The following ESR1 variants were observed in gnomAD, a reference collection of about 807,000 sequenced individuals.
ESR1 encodes the protein estrogen receptor.
ESR1 carries 12 observed loss-of-function variants against 52.7 expected under a neutral mutation model. The observed-to-expected ratio is 0.23, with a 90% CI of 0.15 to 0.37. The LOEUF (loss-of-function observed/expected upper bound fraction) is 0.37, where lower values mean the gene tolerates loss of function less well. Ranked by LOEUF, ESR1 falls within the 10% of genes least tolerant of loss-of-function variation. The pLI, the probability that ESR1 is intolerant of heterozygous loss-of-function variation, is 1.00. For missense variants in ESR1, 584 were observed against 779.7 expected, an observed-to-expected ratio of 0.75 and a Z score of 2.99; for synonymous variants, 305 against 316.8, an observed-to-expected ratio of 0.96 and a Z score of 0.39.
intron 4 of ESR1, 124 bp from the exon 5 acceptor site, chr6:152,011,532 C>T (rs957986549): frequency 1.3e-5 from 14 of 1,042,978 alleles, no homozygotes; most frequent in African/African-American, 3.1e-5. Flanking sequence ...AAAGTATGTT[C>T]GTATTGCATT....
chr6:151,674,433 G>T (rs1778184155), intron 1 of ESR1, among the ~76,000 whole-genome samples: 1 of 152,150 alleles, frequency 6.6e-6, no homozygotes, highest in African/African-American at 2.4e-5. Context: ...GTCTATCATT[G>T]ATGGGCATTT....
intron 6 of ESR1, among the ~76,000 whole-genome samples, chr6:152,079,821 C>T (rs2049044082): frequency 6.6e-6 from 1 of 152,192 alleles, no homozygotes; most frequent in Non-Finnish European, 1.5e-5. Flanking sequence ...CTGAAAACCA[C>T]AGCATGAGAA....
At chr6:151,925,099 T>C (rs1304613573) in intron 3 of ESR1, among the ~76,000 whole-genome samples, 1 of 144,972 alleles carries the variant, frequency 6.9e-6, no homozygotes, top group Non-Finnish European at 1.5e-5. Context: ...TCTTCCCTTT[T>C]CTCCATAACC....
chr6:152,094,262 C>A lies in ESR1; in HGVS notation c.1370-123C>A. On this transcript the variant is annotated intron_variant, in intron 6 of 7. Coordinates refer to ENST00000206249, the MANE Select transcript of ESR1 (RefSeq NM_000125.4). The surrounding 1 kb of genome is among the most constrained non-coding windows in gnomAD (Gnocchi z 4.6). Reference sequence around the variant, plus strand: ...GTTTTAAATGGGTCCAGAGCATCCCCATTGCTAGACTACTGTGCTGAGGAA... The same window carrying A: ...GTTTTAAATGGGTCCAGAGCATCCCAATTGCTAGACTACTGTGCTGAGGAA... 1 of 851,818 alleles carries A rather than the reference C, an allele frequency of 1.2e-6. No homozygotes were observed. 52.8% of individuals were successfully genotyped at this position (851,818 alleles called of 1,614,324 possible). A position where few individuals can be genotyped will look rare whatever the true frequency, so the allele number is the denominator to read the frequency against.
At chr6:151,733,790 T>C (rs1251661586) in intron 2 of ESR1, among the ~76,000 whole-genome samples, 1 of 152,184 alleles carries the variant, frequency 6.6e-6, no homozygotes, top group Non-Finnish European at 1.5e-5. Context: ...ATTAGGATTT[T>C]TTTTCTTCTT....
intron 1 of ESR1, chr6:151,809,277 G>A (rs1381689710): frequency 2.6e-6 from 1 of 379,090 alleles, no homozygotes; most frequent in Non-Finnish European, 5.7e-6. Flanking sequence ...CGAAGGTTGT[G>A]TGTCCTCATT....
intron 1 of ESR1, among the ~76,000 whole-genome samples, chr6:151,834,948 T>C (rs1364602833): frequency 1.3e-5 from 2 of 151,920 alleles, no homozygotes; most frequent in Non-Finnish European, 2.9e-5. Flanking sequence ...TTTACTCTTG[T>C]TGTGGTGAGA....
chr6:151,831,853 A>G (rs6926750), intron 1 of ESR1, among the ~76,000 whole-genome samples: 43,844 of 151,998 alleles, frequency 0.29, 9,342 homozygotes, highest in African/African-American at 0.61. Flanking sequence ...CACTTTATTA[A>G]ACCAAGGGTC....
intron 2 of ESR1, among the ~76,000 whole-genome samples, chr6:151,793,277 C>T (rs888306871): frequency 4.6e-5 from 7 of 152,196 alleles, no homozygotes; most frequent in Admixed American, 3.3e-4. Context: ...ACTGTCTTCC[C>T]CTTCCACATC....
rs9340980 is a variant in ESR1 at position 152,013,048 on chromosome 6, G to A, written c.1235+1254G>A. ...TAAGAAGCATATTTTGCTGTCTGTG[G>A]AATATATTTTGATATCACAGTTTCA... On this transcript the variant is annotated intron_variant, in intron 5 of 7. Transcript: ENST00000206249. 9.5e-3 allele frequency among the ~76,000 whole-genome samples: 1,444 copies of A among 152,300 alleles called. 27 individuals carry two copies. The highest frequency in any genetic ancestry group is 0.033 in the African/African-American group (1,389 of 41,564).
intron 2 of ESR1, among the ~76,000 whole-genome samples, chr6:151,792,516 T>C (rs1776266758): frequency 6.6e-6 from 1 of 152,116 alleles, no homozygotes. Context: ...CATAGTTCAC[T>C]ACAACATTGA....
At chr6:151,679,028 C>T (rs1030423088) in intron 1 of ESR1, among the ~76,000 whole-genome samples, 12 of 152,304 alleles carry the variant, frequency 7.9e-5, no homozygotes, top group Non-Finnish European at 1.3e-4. Context: ...CTCTTCTGGC[C>T]TGGTCCCATG....
chr6:151,784,416 G>A (rs1382469304), intron 2 of ESR1, among the ~76,000 whole-genome samples: 1 of 152,050 alleles, frequency 6.6e-6, no homozygotes, highest in Admixed American at 6.6e-5. Context: ...GAGAAGATAT[G>A]TTTTTAAATA....
intron 4 of ESR1, among the ~76,000 whole-genome samples, chr6:151,963,140 C>T (rs545060084): frequency 3.8e-4 from 58 of 152,192 alleles, no homozygotes; most frequent in African/African-American, 1.4e-3. Flanking sequence ...GGAGGCTTGT[C>T]ATAAATATTT....
At chr6:152,011,818 G>A (rs746173690) in intron 5 of ESR1, 24 bp downstream of exon 5, 29 of 1,611,194 alleles carry the variant, frequency 1.8e-5, no homozygotes, top group Non-Finnish European at 2.5e-5. Context: ...CTGTAGCTTA[G>A]GAGTAGCATG....
chr6:152,052,602 C>A (rs1227299302), intron 5 of ESR1, among the ~76,000 whole-genome samples: 1 of 151,986 alleles, frequency 6.6e-6, no homozygotes, highest in Admixed American at 6.6e-5. Context: ...ACCCCGTGGT[C>A]TTTTACAGAA....
At chr6:152,033,658 G>T (rs1007118218) in intron 5 of ESR1, among the ~76,000 whole-genome samples, 2 of 152,212 alleles carry the variant, frequency 1.3e-5, no homozygotes, top group Admixed American at 1.3e-4. Flanking sequence ...GTGCTGGAGA[G>T]GATGTGGAGA....
Position 152,099,686 on chromosome 6 carries a change from A to G in ESR1, c.*720A>G, listed in dbSNP as rs1027358434. Reference sequence around the variant, plus strand: ...TCCGGTCATGGGTTCCAGTTAATTCATGCCTCCCATGGACCTATGGAGAGC... The same window carrying G: ...TCCGGTCATGGGTTCCAGTTAATTCGTGCCTCCCATGGACCTATGGAGAGC... On this transcript the variant is annotated 3_prime_UTR_variant, in exon 8 of 8. Coordinates refer to ENST00000206249, the MANE Select transcript of ESR1 (RefSeq NM_000125.4). 4 of 269,900 alleles carry G rather than the reference A, an allele frequency of 1.5e-5. No individual in the cohort carries two copies. Among genetic ancestry groups the G allele is most frequent in the African/African-American group, 2.1e-5 (1 of 46,524 alleles). The allele number at this position is 269,900 out of a possible 1,614,324, so 16.7% of individuals were successfully genotyped here.
chr6:151,962,352 C>T (rs1395550517), intron 4 of ESR1, among the ~76,000 whole-genome samples: 2 of 152,070 alleles, frequency 1.3e-5, no homozygotes, highest in Admixed American at 1.3e-4. Context: ...CATAGTTCTG[C>T]CCCCTGTTCC....
Sources: allele counts gnomAD v4.1 joint callset (sites outside exome capture counted in the v4.1 genomes callset), GRCh38; gene constraint gnomAD v4.1.1; non-coding constraint Gnocchi (gnomAD v3.1); transcripts MANE v1.5; gene names NCBI Gene and HGNC (gene_info 2026-07-23, HGNC 2026-07-21).